The following ITPR1 variants were observed in gnomAD, a reference collection of about 807,000 sequenced individuals.
The protein encoded by ITPR1 is inositol 1,4,5-trisphosphate-gated calcium channel ITPR1.
In ITPR1, 96 loss-of-function variants were observed where a neutral mutation model predicts 318.4. That is an observed-to-expected ratio of 0.30 (90% confidence interval 0.26 to 0.36). The LOEUF (loss-of-function observed/expected upper bound fraction) is 0.36, where lower values mean the gene tolerates loss of function less well. Ranked by LOEUF, ITPR1 falls within the 10% of genes least tolerant of loss-of-function variation. The pLI is 1.00. For missense variants in ITPR1, 2,440 were observed against 3,460.2 expected, an observed-to-expected ratio of 0.71 and a Z score of 7.40; for synonymous variants, 1,312 against 1,289.9, an observed-to-expected ratio of 1.02 and a Z score of -0.37.
intron 2 of ITPR1, among the ~76,000 whole-genome samples, chr3:4,508,787 G>T (rs2081582820): frequency 1.3e-5 from 2 of 152,176 alleles, no homozygotes; most frequent in Admixed American, 6.5e-5. Context: ...ATTGATGTTA[G>T]AAGGCGGGGG....
chr3:4,787,998 A>G lies in ITPR1; in HGVS notation c.6667A>G (p.Ile2223Val), dbSNP rs759105067. Residue 2223 changes from isoleucine (I) to valine (V), a missense_variant, in exon 52 of 62, where the codon ATA (isoleucine) becomes GTA (valine). By Grantham distance (29) the Ile-to-Val change is conservative. Around this residue, in one of 23 missense-constraint regions of ITPR1, gnomAD observed 115 missense variants for 204.5 expected, o/e 0.56. Transcript: ENST00000649015. ...ACAGATAGTCTTTCCCGTGCCCAGCATATGTGAATTCCTAACCAAGGAGTC... is the reference window on the plus strand; with the variant it reads ...ACAGATAGTCTTTCCCGTGCCCAGCGTATGTGAATTCCTAACCAAGGAGTC... ...MEQIVFPVPS[I>V]CEFLTKESKL... 3 of 1,613,148 alleles carry G rather than the reference A, an allele frequency of 1.9e-6. No homozygotes were observed. Among genetic ancestry groups the G allele is most frequent in the Non-Finnish European group, 2.5e-6 (3 of 1,179,384 alleles).
intron 6 of ITPR1, among the ~76,000 whole-genome samples, chr3:4,641,226 C>G (rs1170070682): frequency 6.6e-6 from 1 of 152,226 alleles, no homozygotes; most frequent in Non-Finnish European, 1.5e-5. Context: ...CTGGTCTAGA[C>G]TGACTATCAG....
chr3:4,692,348 A>C (rs1175186905), intron 32 of ITPR1, among the ~76,000 whole-genome samples: 1 of 152,100 alleles, frequency 6.6e-6, no homozygotes, highest in East Asian at 1.9e-4. Flanking sequence ...AATGCCTAAC[A>C]CTTTTTGGAA....
chr3:4,543,522 A>T (rs963880708), intron 4 of ITPR1, among the ~76,000 whole-genome samples: 3 of 152,246 alleles, frequency 2.0e-5, no homozygotes, highest in African/African-American at 7.2e-5. Context: ...TAATCAAGGG[A>T]TAAAGAATGA....
chr3:4,713,968 C>A (rs1036205775), intron 39 of ITPR1, among the ~76,000 whole-genome samples: 3 of 152,084 alleles, frequency 2.0e-5, no homozygotes, highest in African/African-American at 7.2e-5. Flanking sequence ...TGCTTCTGGC[C>A]CAATGCTTGA....
At chr3:4,585,734 G>A (rs1303590073) in intron 4 of ITPR1, among the ~76,000 whole-genome samples, 2 of 151,496 alleles carry the variant, frequency 1.3e-5, no homozygotes, top group African/African-American at 4.9e-5. Context: ...ACCGCACCCA[G>A]CCTAACATGC....
Position 4,836,854 on chromosome 3 carries a change from G to T in ITPR1, c.8109G>T (p.Leu2703=). Residue 2703 remains leucine, a synonymous_variant, in exon 61 of 62, where the codon CTG becomes CTT. Coordinates refer to ENST00000649015, the MANE Select transcript of ITPR1 (RefSeq NM_001378452.1). ...SSDSEGEQNE[L]RNLQEKLEST... ...ATTCTGAAGGAGAACAGAATGAGCT[G>T]AGAAACCTGCAGGAGAAGCTGGAGT... 1 of 1,592,634 alleles carries T rather than the reference G, an allele frequency of 6.3e-7. No individual in the cohort carries two copies. Among genetic ancestry groups the T allele is most frequent in the Non-Finnish European group, 8.6e-7 (1 of 1,166,006 alleles).
At chr3:4,573,009 G>A (rs1022842498) in intron 4 of ITPR1, among the ~76,000 whole-genome samples, 1 of 152,154 alleles carries the variant, frequency 6.6e-6, no homozygotes. Flanking sequence ...CATCTGGGTT[G>A]CCTCTACCTT....
intron 44 of ITPR1, among the ~76,000 whole-genome samples, chr3:4,755,129 C>T (rs1039640187): frequency 9.2e-5 from 14 of 151,474 alleles, no homozygotes; most frequent in Non-Finnish European, 1.6e-4. Context: ...TGCCAGTAGC[C>T]TGCCTACACC....
intron 6 of ITPR1, among the ~76,000 whole-genome samples, chr3:4,641,238 C>T (rs966083594): frequency 4.6e-5 from 7 of 152,186 alleles, no homozygotes; most frequent in African/African-American, 1.7e-4. Flanking sequence ...GACTATCAGA[C>T]ACGTTATATC....
chr3:4,815,657 A>G (rs2049246771), intron 59 of ITPR1, among the ~76,000 whole-genome samples: 1 of 152,212 alleles, frequency 6.6e-6, no homozygotes, highest in African/African-American at 2.4e-5. Context: ...CATGGACACC[A>G]AACAAATCAT....
intron 52 of ITPR1, 141 bp downstream of exon 52, chr3:4,788,280 G>C: frequency 5.8e-6 from 4 of 691,766 alleles, no homozygotes; most frequent in Non-Finnish European, 7.2e-6. Flanking sequence ...CCACCAGGAA[G>C]TCATAACCAG....
intron 26 of ITPR1, among the ~76,000 whole-genome samples, chr3:4,681,812 C>T (rs2094307947): frequency 1.3e-5 from 2 of 152,134 alleles, no homozygotes; most frequent in Non-Finnish European, 2.9e-5. Context: ...CCTGCTGCTG[C>T]TGCTGGGCTA....
intron 4 of ITPR1, among the ~76,000 whole-genome samples, chr3:4,612,188 A>C (rs1336021604): frequency 6.7e-6 from 1 of 149,350 alleles, no homozygotes; most frequent in Non-Finnish European, 1.5e-5. Flanking sequence ...CAGCCTCCCG[A>C]GTAGCTGGGA....
intron 60 of ITPR1, among the ~76,000 whole-genome samples, chr3:4,833,381 A>G (rs2050656324): frequency 6.6e-6 from 1 of 152,034 alleles, no homozygotes; most frequent in East Asian, 1.9e-4. Flanking sequence ...ATTAATGTGG[A>G]CTCTGTTTGG....
At chr3:4,734,387 T>C (rs559014453) in intron 43 of ITPR1, among the ~76,000 whole-genome samples, 3 of 152,274 alleles carry the variant, frequency 2.0e-5, no homozygotes, top group Non-Finnish European at 4.4e-5. Flanking sequence ...CCTTGTGCTA[T>C]AGATATAAGG....
At chr3:4,731,665 C>G (rs952889888) in intron 42 of ITPR1, among the ~76,000 whole-genome samples, 2 of 152,098 alleles carry the variant, frequency 1.3e-5, no homozygotes, top group African/African-American at 4.8e-5. Flanking sequence ...TAGATAAACC[C>G]TTTCTGGGAC....
At chr3:4,720,015 C>A (rs762005591) in intron 40 of ITPR1, among the ~76,000 whole-genome samples, 2 of 152,136 alleles carry the variant, frequency 1.3e-5, no homozygotes, top group Non-Finnish European at 2.9e-5. Flanking sequence ...CCTGTGTAGC[C>A]GCCACCTAAA....
chr3:4,579,862 C>T (rs2089113808), intron 4 of ITPR1, among the ~76,000 whole-genome samples: 2 of 152,080 alleles, frequency 1.3e-5, no homozygotes, highest in South Asian at 4.1e-4. Flanking sequence ...CATATTATAT[C>T]TGTATTGCAC....
Sources: gnomAD v4.1 joint callset for allele counts (sites outside exome capture counted in the v4.1 genomes callset) on GRCh38, gnomAD v4.1.1 for gene constraint, gnomAD v4.1.1 regional missense constraint, MANE v1.5 for transcripts, NCBI Gene and HGNC (gene_info 2026-07-23, HGNC 2026-07-21) for gene names.